TNK2: variants seen among roughly 807,000 people sequenced by gnomAD.
TNK2 encodes tyrosine kinase non receptor 2, also known as activated CDC42 kinase 1.
A neutral mutation model predicts 101.8 loss-of-function variants in TNK2; 83 were observed. The observed-to-expected ratio is 0.82, with a 90% CI of 0.68 to 0.98. The LOEUF is 0.98. TNK2 is among the 50% of genes least tolerant of loss of function. The pLI, the probability that TNK2 is intolerant of heterozygous loss-of-function variation, is 0.00. For synonymous variants in TNK2, 804 were observed against 633.0 expected, an observed-to-expected ratio of 1.27 and a Z score of -4.06; for missense variants, 1,665 against 1,483.2, an observed-to-expected ratio of 1.12 and a Z score of -2.01.
rs1056749 is a variant in TNK2, at chr3:195,867,934, A to G, written c.2364T>C (p.Ala788=). 0.17 allele frequency: 255,721 copies of G among 1,532,962 alleles called. 22,220 individuals are homozygous for G. The highest frequency in any genetic ancestry group is 0.18 in the Non-Finnish European group (207,216 of 1,150,582). The allele number at this position is 1,532,962 out of a possible 1,614,324, so 95.0% of individuals were successfully genotyped here. A position where few individuals can be genotyped will look rare whatever the true frequency, so the allele number is the denominator to read the frequency against. ...CCCGCGGAGGCACCCGGGGAGGGGAAGCAGGTCCAGGCCACTGGCTGGTCT... is the reference window on the plus strand; with the variant it reads ...CCCGCGGAGGCACCCGGGGAGGGGAGGCAGGTCCAGGCCACTGGCTGGTCT... The part of the protein sequence containing the change: ...EEETSQWPGP[A]SPPRVPPREP... The change falls in exon 13 of 16, where the codon GCT becomes GCC. Residue 788 remains alanine, a synonymous_variant. Transcript: ENST00000672887.
intron 2 of TNK2, among the ~76,000 whole-genome samples, chr3:195,887,577 G>A (rs1218131755): frequency 6.6e-6 from 1 of 151,682 alleles, no homozygotes; most frequent in African/African-American, 2.4e-5. Flanking sequence ...TGTCTAACTT[G>A]ACACATTATT....
Position 195,868,384 on chromosome 3 carries a change from G to C in TNK2, c.1914C>G (p.Asp638Glu). 1 of 1,591,986 alleles carries C rather than the reference G, an allele frequency of 6.3e-7. No individual in the cohort carries two copies. Among genetic ancestry groups the C allele is most frequent in the Non-Finnish European group, 8.5e-7 (1 of 1,174,994 alleles). The change falls in exon 13 of 16, where the codon GAC becomes GAG. Residue 638 changes from aspartate (D) to glutamate (E), a missense_variant. By Grantham distance (45) the Asp-to-Glu change is conservative (BLOSUM62 2). Transcript: ENST00000672887. ...PRPLHPTPVVDWDARPLPPPP... is the reference protein window; with the variant it reads ...PRPLHPTPVVEWDARPLPPPP... ...GGGGGGGCAGCGGGCGTGCGTCCCA[G>C]TCCACCACAGGCGTGGGGTGCAGGG...
intron 1 of TNK2, among the ~76,000 whole-genome samples, chr3:195,907,055 G>C (rs1761798282): frequency 6.6e-6 from 1 of 152,174 alleles, no homozygotes; most frequent in African/African-American, 2.4e-5. Context: ...CAGATCAAAA[G>C]CAATCTGTGT....
intron 1 of TNK2, among the ~76,000 whole-genome samples, chr3:195,891,199 G>A (rs532232130): frequency 8.8e-4 from 134 of 152,350 alleles, no homozygotes; most frequent in Non-Finnish European, 1.7e-3. Context: ...CGGATCACCT[G>A]AGTTCGAGAC....
rs574311444 is a variant in TNK2 at position 195,863,973 on chromosome 3, G to C, written c.*208C>G. 2.5e-5 allele frequency: 15 copies of C among 600,346 alleles called. No homozygotes were observed. Among genetic ancestry groups the C allele is most frequent in the Non-Finnish European group, 4.4e-5 (15 of 344,740 alleles). The allele number at this position is 600,346 out of a possible 1,614,324, so 37.2% of individuals were successfully genotyped here. ...ACATCTTGGCAGGGGCACCGGGACT[G>C]AACCAAAGTGTGCAGGGACAGCGCT... On this transcript the variant is annotated 3_prime_UTR_variant, in exon 16 of 16. Transcript: ENST00000672887.
chr3:195,899,272 G>A (rs761506274), intron 1 of TNK2, among the ~76,000 whole-genome samples: 1 of 152,096 alleles, frequency 6.6e-6, no homozygotes, highest in Non-Finnish European at 1.5e-5. Context: ...TTGTTGGAGG[G>A]ATGCTTGAAA....
chr3:195,883,559 T>C (rs1227080682), intron 4 of TNK2: 3 of 491,746 alleles, frequency 6.1e-6, no homozygotes, highest in Non-Finnish European at 1.1e-5. Flanking sequence ...CGGGCTTAAA[T>C]ACCAACCAAA....
Position 195,867,799 on chromosome 3 carries a change from G to C in TNK2, c.2499C>G (p.Thr833=), listed in dbSNP as rs1741922959. The stretch of plus-strand genomic sequence containing the variant: ...ACTTGGGGTCTGAGGCAAAGCTCTG[G>C]GTGGTGGGCATGGTCTTCCCAGGTG... ...SSSPGKTMPT[T]QSFASDPKYA... is the part of the protein sequence containing the mutation. The change falls in exon 13 of 16, where the codon ACC becomes ACG. Residue 833 remains threonine, a synonymous_variant. Transcript: ENST00000672887. The C allele has an allele frequency of 1.3e-6, 2 of 1,565,544 alleles. No homozygotes were observed. Among genetic ancestry groups the C allele is most frequent in the Non-Finnish European group, 1.7e-6 (2 of 1,159,154 alleles).
Position 195,883,121 on chromosome 3 carries a change from TCTCCCTGCCCGCCCC to T in TNK2, c.609+21_609+35del, listed in dbSNP as rs756458967. ...AACCACACATATGGGACCGGAGCCCTCTCCCTGCCCGCCCCCTCCCGCCCGCAGTACTCACCATCT... is the reference window on the plus strand; with the variant it reads ...AACCACACATATGGGACCGGAGCCCTCTCCCGCCCGCAGTACTCACCATCT... On this transcript the variant is annotated intron_variant, in intron 5 of 15. Coordinates refer to ENST00000672887, the MANE Select transcript of TNK2 (RefSeq NM_001382273.1). The T allele has an allele frequency of 5.0e-6, 8 of 1,595,246 alleles. No homozygotes were observed. In the South Asian group the frequency reaches 8.8e-5, roughly 18 times the overall value.
At chr3:195,884,054 G>C (rs1253381253) in intron 4 of TNK2, 1 of 152,252 alleles carries the variant, frequency 6.6e-6, no homozygotes, top group African/African-American at 2.4e-5. Context: ...GAGCAGTAAG[G>C]ACACGGCTGC....
chr3:195,892,953 C>T (rs1319655541), intron 1 of TNK2, among the ~76,000 whole-genome samples: 3 of 152,126 alleles, frequency 2.0e-5, no homozygotes, highest in Middle Eastern at 3.4e-3. Context: ...GCTGGCCCCC[C>T]TGCCTCCCCA....
At chr3:195,865,831 G>T (rs1194390885) in intron 15 of TNK2, among the ~76,000 whole-genome samples, 1 of 152,170 alleles carries the variant, frequency 6.6e-6, no homozygotes, top group Non-Finnish European at 1.5e-5. Flanking sequence ...CAGGCGTGCT[G>T]GGCGCAATAA....
At chr3:195,889,924 C>T (rs1369032040) in intron 1 of TNK2, among the ~76,000 whole-genome samples, 2 of 152,236 alleles carry the variant, frequency 1.3e-5, no homozygotes, top group Admixed American at 1.3e-4. Flanking sequence ...CTCCCCCACT[C>T]AGCGGTGGCC....
chr3:195,892,107 A>G (rs1299355816), intron 1 of TNK2: 11 of 662,170 alleles, frequency 1.7e-5, no homozygotes, highest in Non-Finnish European at 2.3e-5. Flanking sequence ...TGTGCAGCAC[A>G]GGGCATGGCT....
intron 1 of TNK2, among the ~76,000 whole-genome samples, chr3:195,897,344 A>G (rs1161313442): frequency 6.6e-6 from 1 of 152,146 alleles, no homozygotes; most frequent in Non-Finnish European, 1.5e-5. Context: ...AGTGATTCAG[A>G]CACACGCCAT....
chr3:195,883,374 G>A, intron 4 of TNK2, 65 bp from the exon 5 acceptor site: 1 of 1,588,482 alleles, frequency 6.3e-7, no homozygotes, highest in Non-Finnish European at 8.6e-7. Context: ...GAGCCAACCT[G>A]CTCCACCCTC....
At chr3:195,896,488 T>G (rs1453526059) in intron 1 of TNK2, among the ~76,000 whole-genome samples, 2 of 152,130 alleles carry the variant, frequency 1.3e-5, no homozygotes, top group Non-Finnish European at 2.9e-5. Context: ...AACGCCTGCT[T>G]CTATGCTGTA....
intron 11 of TNK2, 137 bp from the exon 12 acceptor site, chr3:195,869,678 C>T: frequency 1.1e-6 from 1 of 913,998 alleles, no homozygotes; most frequent in Non-Finnish European, 1.7e-6. Flanking sequence ...AATGTACAAG[C>T]CCCCAGCAAA....
chr3:195,891,832 ACCCAGAGGC>A (rs1196180160), intron 1 of TNK2: 22 of 785,586 alleles, frequency 2.8e-5, no homozygotes, highest in Non-Finnish European at 3.4e-5. Flanking sequence ...GCTGGGGGAG[ACCCAGAGGC>A]CCCTCCCCTG....
Sources: allele counts gnomAD v4.1 joint callset (sites outside exome capture counted in the v4.1 genomes callset), GRCh38; gene constraint gnomAD v4.1.1; transcripts MANE v1.5; gene names NCBI Gene and HGNC (gene_info 2026-07-23, HGNC 2026-07-21).